Variants in SYT16 observed in about 807,000 individuals in gnomAD.
SYT16 encodes the protein synaptotagmin 16, also known as synaptotagmin-16.
A neutral mutation model predicts 61.4 loss-of-function variants in SYT16; 42 were observed. The observed-to-expected ratio is 0.68, with a 90% CI of 0.53 to 0.89. SYT16 has a LOEUF of 0.89. SYT16 is among the 40% of genes least tolerant of loss of function. The pLI is 0.00. For missense variants in SYT16, 804 were observed against 807.3 expected (o/e 1.00, Z 0.05); for synonymous variants, 314 against 302.3 (o/e 1.04, Z -0.40).
At chr14:61,913,125 G>A (rs2048994002) in intron 1 of SYT16, among the ~76,000 whole-genome samples, 1 of 151,984 alleles carries the variant, frequency 6.6e-6, no homozygotes, top group African/African-American at 2.4e-5. Flanking sequence ...TCCTTGCCTA[G>A]CCATGTTTTT....
intron 1 of SYT16, among the ~76,000 whole-genome samples, chr14:61,830,475 A>G (rs1391449016): frequency 6.6e-6 from 1 of 152,202 alleles, no homozygotes; most frequent in Non-Finnish European, 1.5e-5. Context: ...AGTGTTATCC[A>G]TAGGTGAACT....
intron 3 of SYT16, among the ~76,000 whole-genome samples, chr14:62,018,389 C>A (rs1471133144): frequency 7.0e-6 from 1 of 143,134 alleles, no homozygotes; most frequent in Non-Finnish European, 1.5e-5. Context: ...CTCACTGCAA[C>A]CTCCGCCTCC....
intron 3 of SYT16, among the ~76,000 whole-genome samples, chr14:61,999,641 T>A (rs1297182570): frequency 6.6e-6 from 1 of 151,822 alleles, no homozygotes; most frequent in Non-Finnish European, 1.5e-5. Flanking sequence ...ATTTTCTTTG[T>A]TTTTCTTGCT....
At chr14:61,816,243 C>T (rs575980632) in intron 1 of SYT16, among the ~76,000 whole-genome samples, 4 of 152,234 alleles carry the variant, frequency 2.6e-5, no homozygotes, top group East Asian at 3.9e-4. Flanking sequence ...TCCTTTCTCC[C>T]CATCCTGTCT....
intron 1 of SYT16, chr14:61,897,287 G>A (rs780985462): frequency 2.0e-5 from 3 of 152,216 alleles, no homozygotes; most frequent in African/African-American, 4.8e-5. Flanking sequence ...GAACGTGGAA[G>A]CAGCATGAAA....
chr14:62,089,121 C>G (rs1299999589), intron 7 of SYT16, among the ~76,000 whole-genome samples: 1 of 151,904 alleles, frequency 6.6e-6, no homozygotes, highest in East Asian at 1.9e-4. Context: ...AGTTTGAGAC[C>G]AGCCTGGTCA....
At chr14:62,022,944 TA>T (rs551968497) in intron 3 of SYT16, among the ~76,000 whole-genome samples, 24 of 152,328 alleles carry the variant, frequency 1.6e-4, no homozygotes, top group African/African-American at 5.8e-4. Context: ...TATTCATGCT[TA>T]AAAAATTTTA....
At chr14:62,031,994 A>G (rs2054325600) in intron 3 of SYT16, among the ~76,000 whole-genome samples, 1 of 152,178 alleles carries the variant, frequency 6.6e-6, no homozygotes, top group South Asian at 2.1e-4. Flanking sequence ...TTTGCAGACT[A>G]TAAAAATGGA....
chr14:62,071,466 T>C (rs2056297245), intron 4 of SYT16, among the ~76,000 whole-genome samples: 1 of 152,160 alleles, frequency 6.6e-6, no homozygotes, highest in South Asian at 2.1e-4. Context: ...CAGATGGTGA[T>C]AGAAAAGGTT....
At chr14:61,927,181 T>G (rs1469089285) in intron 1 of SYT16, among the ~76,000 whole-genome samples, 1 of 152,216 alleles carries the variant, frequency 6.6e-6, no homozygotes, top group African/African-American at 2.4e-5. Flanking sequence ...GTGACCCTCT[T>G]GGTTTTAAAT....
chr14:61,966,401 A>C (rs1482919822), intron 1 of SYT16, among the ~76,000 whole-genome samples: 1 of 152,154 alleles, frequency 6.6e-6, no homozygotes, highest in Admixed American at 6.5e-5. Context: ...GAACATTATC[A>C]TCATTTTTAT....
intron 3 of SYT16, among the ~76,000 whole-genome samples, chr14:62,034,617 G>A (rs546536786): frequency 6.6e-6 from 1 of 151,974 alleles, no homozygotes; most frequent in South Asian, 2.1e-4. Context: ...CATATTATAT[G>A]ACTCTTTTTT....
In SYT16 at chr14:61,819,846, G is replaced by A. The variant is rs74358209; in HGVS notation, c.-325+7036G>A. ...TAAGAGGTAAATTGTTTAACTTCCCGGAGGCTTTGTCTTATTCCACTCTGA... is the reference window on the plus strand; with the variant it reads ...TAAGAGGTAAATTGTTTAACTTCCCAGAGGCTTTGTCTTATTCCACTCTGA... On this transcript the variant is annotated intron_variant, in intron 1 of 7. Coordinates refer to ENST00000683842, the MANE Select transcript of SYT16 (RefSeq NM_001367656.1). Among the ~76,000 whole-genome samples the A allele has an allele frequency of 7.6e-3, 1,150 of 152,296 alleles. 15 individuals are homozygous for A. The highest frequency in any genetic ancestry group is 0.026 in the African/African-American group (1,085 of 41,554).
chr14:62,058,610 C>T (rs1044726349), intron 3 of SYT16, among the ~76,000 whole-genome samples: 7 of 152,036 alleles, frequency 4.6e-5, no homozygotes, highest in African/African-American at 9.7e-5. Flanking sequence ...TTGATCTGCC[C>T]GCCTTGGCCT....
intron 1 of SYT16, among the ~76,000 whole-genome samples, chr14:61,946,963 G>T (rs1343546140): frequency 6.6e-6 from 1 of 152,118 alleles, no homozygotes; most frequent in Non-Finnish European, 1.5e-5. Flanking sequence ...GCTTGGCAGA[G>T]CCATGAGCTT....
intron 2 of SYT16, among the ~76,000 whole-genome samples, chr14:61,976,359 G>A (rs2051800653): frequency 6.6e-6 from 1 of 152,182 alleles, no homozygotes; most frequent in African/African-American, 2.4e-5. Context: ...AGATTATTAA[G>A]TAGTGCCCCA....
chr14:62,026,388 A>G (rs1382390798), intron 3 of SYT16, among the ~76,000 whole-genome samples: 3 of 152,230 alleles, frequency 2.0e-5, no homozygotes, highest in Admixed American at 6.5e-5. Context: ...AGGCACTGGT[A>G]TCTGGTGTCT....
chr14:61,869,690 G>T (rs1278821102), intron 1 of SYT16, among the ~76,000 whole-genome samples: 1 of 152,154 alleles, frequency 6.6e-6, no homozygotes, highest in Non-Finnish European at 1.5e-5. Context: ...TGAAAGCTTT[G>T]GGAGATAGTT....
chr14:61,874,786 T>C (rs922004096), intron 1 of SYT16, among the ~76,000 whole-genome samples: 2 of 149,468 alleles, frequency 1.3e-5, no homozygotes, highest in Non-Finnish European at 3.0e-5. Context: ...TTTTTTTTTT[T>C]ACATGTTCTA....
Sources: allele counts gnomAD v4.1 joint callset (sites outside exome capture counted in the v4.1 genomes callset), GRCh38; gene constraint gnomAD v4.1.1; transcripts MANE v1.5; gene names NCBI Gene and HGNC (gene_info 2026-07-23, HGNC 2026-07-21).